Variants in OFD1 observed in about 807,000 individuals in gnomAD.
OFD1 encodes centriole and centriolar satellite protein OFD1.
In OFD1, 12 loss-of-function variants were observed where a neutral mutation model predicts 81.4. The observed-to-expected ratio is 0.15, with a 90% CI of 0.09 to 0.24. OFD1 has a LOEUF of 0.24. Among genes scored for constraint, OFD1 ranks in the 10% least tolerant of loss-of-function variants. The pLI is 1.00. For missense variants in OFD1, 685 were observed against 733.9 expected (o/e 0.93, Z 0.77); for synonymous variants, 256 against 263.7 (o/e 0.97, Z 0.28).
the OFD1 span, among the ~76,000 whole-genome samples, chrX:13,724,806 C>T: frequency 9.0e-6 from 1 of 111,659 alleles, no homozygotes; most frequent in Non-Finnish European, 1.9e-5. Flanking sequence ...CGTCGCCTCA[C>T]CCAGAAAGTG....
chrX:13,770,628 G>C (rs1223250877), downstream of OFD1, among the ~76,000 whole-genome samples: 1 of 112,013 alleles, frequency 8.9e-6, no homozygotes, highest in Non-Finnish European at 1.9e-5. Flanking sequence ...TTTTGTTTCT[G>C]CTTTGCCCAC....
At chrX:13,767,362 G>A in intron 20 of OFD1, 78 bp downstream of exon 20, 1 of 1,037,996 alleles carries the variant, frequency 9.6e-7, no homozygotes, top group East Asian at 3.0e-5. Flanking sequence ...TCAGGGAGGG[G>A]AGTCAATTGG....
At chrX:13,729,571 T>C in the OFD1 span, among the ~76,000 whole-genome samples, 2 of 112,158 alleles carry the variant, frequency 1.8e-5, no homozygotes, top group African/African-American at 6.5e-5. Context: ...ACTGGATCCC[T>C]TCCTTACACC....
At chrX:13,772,688 A>G (rs182959100), downstream of OFD1, 290 of 355,141 alleles carry the variant, frequency 8.2e-4, 1 homozygote, top group Admixed American at 4.3e-3. Flanking sequence ...TGAAACCTCC[A>G]ATATTTGTTC....
At chrX:13,741,960 G>A (rs1160076298) in intron 5 of OFD1, among the ~76,000 whole-genome samples, 1 of 111,905 alleles carries the variant, frequency 8.9e-6, no homozygotes, top group Non-Finnish European at 1.9e-5. Context: ...CCATCTGGAC[G>A]TATATATGCA....
At chrX:13,739,686 T>C (rs1165637022) in intron 5 of OFD1, 2 of 201,259 alleles carry the variant, frequency 9.9e-6, no homozygotes, top group Non-Finnish European at 1.5e-5. Flanking sequence ...AGGCAGAGGT[T>C]GCGGTGAGCT....
At chrX:13,736,175 A>G (rs2046856889) in intron 2 of OFD1, 1 of 894,087 alleles carries the variant, frequency 1.1e-6, no homozygotes, top group South Asian at 3.3e-5. Context: ...AAGCTGCTGA[A>G]ATGGGCTTCT....
rs182300715 is a variant in OFD1, at chrX:13,764,476, C to T, written c.2599+621C>T. On this transcript the variant is annotated intron_variant, in intron 19 of 22. Coordinates refer to ENST00000340096, the MANE Select transcript of OFD1 (RefSeq NM_003611.3). Reference sequence around the variant, plus strand: ...CTCTTCTCCTCCAGATTACCCACTTCCCTCCCTGCGGGTGGAGGGAGACGG... The same window carrying T: ...CTCTTCTCCTCCAGATTACCCACTTTCCTCCCTGCGGGTGGAGGGAGACGG... Among the ~76,000 whole-genome samples, 52 of 111,654 alleles carry T rather than the reference C, an allele frequency of 4.7e-4. 2 individuals carry two copies. Among genetic ancestry groups the T allele is most frequent in the Middle Eastern group, 9.3e-3 (2 of 216 alleles).
chrX:13,770,340 A>G (rs773434741), downstream of OFD1, among the ~76,000 whole-genome samples: 14 of 112,415 alleles, frequency 1.2e-4, no homozygotes, highest in Non-Finnish European at 2.3e-4. Flanking sequence ...AGGAAGGGTG[A>G]TGATCTAGAG....
intron 17 of OFD1, 149 bp downstream of exon 17, chrX:13,761,360 A>G: frequency 1.7e-6 from 1 of 586,719 alleles, no homozygotes; most frequent in East Asian, 3.6e-5. Flanking sequence ...TTGCAAAATG[A>G]TATGTCATCT....
At chrX:13,747,558 G>A (rs150478128) in intron 8 of OFD1, among the ~76,000 whole-genome samples, 4 of 111,911 alleles carry the variant, frequency 3.6e-5, no homozygotes, top group African/African-American at 9.8e-5. Context: ...GCTCTCTTGG[G>A]TAGTGAAGGG....
rs16979184 is a variant in OFD1 at position 13,761,460 on chromosome X, C to A, written c.2387+249C>A. ...TATTTGCTAAACTTGATATATGGACCATGCAATCTGGTATTAATAAGCATC... is the reference window on the plus strand; with the variant it reads ...TATTTGCTAAACTTGATATATGGACAATGCAATCTGGTATTAATAAGCATC... On this transcript the variant is annotated intron_variant, in intron 17 of 22. Coordinates refer to ENST00000340096, the MANE Select transcript of OFD1 (RefSeq NM_003611.3). Among the ~76,000 whole-genome samples, 1,594 of 111,371 alleles carry A rather than the reference C, an allele frequency of 0.014. 31 individuals are homozygous for A. Among genetic ancestry groups the A allele is most frequent in the African/African-American group, 0.049 (1,485 of 30,587 alleles).
chrX:13,769,931 T>A (rs2048269188), downstream of OFD1, among the ~76,000 whole-genome samples: 1 of 112,214 alleles, frequency 8.9e-6, no homozygotes, highest in African/African-American at 3.2e-5. Flanking sequence ...AGTTACCCAG[T>A]CTAAGGTATT....
intron 9 of OFD1, 48 bp from the exon 10 acceptor site, chrX:13,751,201 G>A: frequency 8.6e-7 from 1 of 1,167,584 alleles, no homozygotes. Flanking sequence ...AAATTTGTTA[G>A]CTCAGCTATG....
At chrX:13,769,983 A>G (rs2048269814), downstream of OFD1, among the ~76,000 whole-genome samples, 1 of 112,306 alleles carries the variant, frequency 8.9e-6, no homozygotes, top group African/African-American at 3.2e-5. Flanking sequence ...CATCTTTATT[A>G]TGGAACCTTT....
intron 5 of OFD1, among the ~76,000 whole-genome samples, chrX:13,743,440 C>A (rs975699543): frequency 3.8e-4 from 43 of 112,064 alleles, no homozygotes; most frequent in African/African-American, 1.3e-3. Context: ...GCAGTGTGCA[C>A]CCTTTGTGCC....
intron 17 of OFD1, 107 bp downstream of exon 17, chrX:13,761,318 G>A: frequency 4.7e-6 from 4 of 850,419 alleles, no homozygotes; most frequent in East Asian, 6.4e-5. Flanking sequence ...AATTATTATA[G>A]ATCATGTGGC....
At chrX:13,762,974 T>TGA (rs1166957620) in intron 18 of OFD1, among the ~76,000 whole-genome samples, 1 of 111,940 alleles carries the variant, frequency 8.9e-6, no homozygotes, top group Non-Finnish European at 1.9e-5. Context: ...TTCACCATAT[T>TGA]GGCCAGGCTG....
intron 12 of OFD1, among the ~76,000 whole-genome samples, chrX:13,755,968 T>TTTTG (rs1298406528): frequency 4.1e-5 from 4 of 96,943 alleles, no homozygotes; most frequent in African/African-American, 1.2e-4. Flanking sequence ...TTTTTTTTTT[T>TTTTG]GAGACAGAGT....
Sources: gnomAD v4.1 joint callset for allele counts (sites outside exome capture counted in the v4.1 genomes callset) on GRCh38, gnomAD v4.1.1 for gene constraint, MANE v1.5 for transcripts, NCBI Gene and HGNC (gene_info 2026-07-23, HGNC 2026-07-21) for gene names.